Variants in ETS1 observed in about 807,000 individuals in gnomAD.
ETS1 encodes the protein protein C-ets-1.
In ETS1, 15 loss-of-function variants were observed where a neutral mutation model predicts 58.6. The observed-to-expected ratio is 0.26, with a 90% CI of 0.17 to 0.39. The LOEUF (loss-of-function observed/expected upper bound fraction) is 0.39, where lower values mean the gene tolerates loss of function less well. ETS1 is among the 10% of genes least tolerant of loss of function. The probability of loss-of-function intolerance (pLI) is 1.00; values close to 1 mark genes in which losing one functional copy is unlikely to be tolerated. For missense variants in ETS1, 417 were observed against 610.5 expected (o/e 0.68, Z 3.34); for synonymous variants, 214 against 218.2 (o/e 0.98, Z 0.17).
chr11:128,576,752 C>T (rs1864758349), intron 1 of ETS1, among the ~76,000 whole-genome samples: 1 of 151,712 alleles, frequency 6.6e-6, no homozygotes, highest in South Asian at 2.1e-4. Context: ...CAACATGGAA[C>T]TCTGTTGTTT....
chr11:128,585,155 AGAAAGAAAGAAAG>A (rs1864986809), intron 1 of ETS1, among the ~76,000 whole-genome samples: 1 of 52,546 alleles, frequency 1.9e-5, no homozygotes, highest in Non-Finnish European at 3.5e-5. Context: ...AAAGAAAGAA[AGAAAGAAAGAAAG>A]AGAAAGAAAG....
chr11:128,584,699 A>G (rs576500212), intron 1 of ETS1, among the ~76,000 whole-genome samples: 1 of 152,148 alleles, frequency 6.6e-6, no homozygotes, highest in African/African-American at 2.4e-5. Context: ...GAGATGAGGA[A>G]GCAAAAAGTA....
chr11:128,511,721 T>C (rs370031891), intron 3 of ETS1, among the ~76,000 whole-genome samples: 1 of 152,358 alleles, frequency 6.6e-6, no homozygotes, highest in East Asian at 1.9e-4. Flanking sequence ...AACATCATTA[T>C]TATATTTAAG....
chr11:128,496,351 G>A (rs1229293123), intron 3 of ETS1, among the ~76,000 whole-genome samples: 2 of 151,904 alleles, frequency 1.3e-5, no homozygotes, highest in Non-Finnish European at 2.9e-5. Flanking sequence ...AGGCTGCAGT[G>A]ATATTTCCTC....
At chr11:128,518,760 A>C (rs1457544348) in intron 3 of ETS1, among the ~76,000 whole-genome samples, 2 of 152,242 alleles carry the variant, frequency 1.3e-5, no homozygotes, top group African/African-American at 2.4e-5. Flanking sequence ...ACAAAGACTG[A>C]CCAAGCTGAG....
intron 2 of ETS1, among the ~76,000 whole-genome samples, chr11:128,562,336 G>A (rs1864417542): frequency 6.6e-6 from 1 of 152,170 alleles, no homozygotes; most frequent in African/African-American, 2.4e-5. Context: ...TTGAACCCGG[G>A]AGACAGAGGT....
At position 128,460,294 on chromosome 11, in the gene ETS1, C is replaced by T. The variant is rs1214952193; in HGVS notation, c.*2067G>A. 1 of 152,792 alleles carries T rather than the reference C, an allele frequency of 6.5e-6. No homozygotes were observed. Among genetic ancestry groups the T allele is most frequent in the Non-Finnish European group, 1.5e-5 (1 of 68,056 alleles). The allele number at this position is 152,792 out of a possible 1,614,324, so 9.5% of individuals were successfully genotyped here. On this transcript the variant is annotated 3_prime_UTR_variant, in exon 10 of 10. Transcript: ENST00000392668. Reference sequence around the variant, plus strand: ...CTGCATCCAAAAGATCAAAATAATACAGCTGGGATAATTCTGCCTTTGCTT... The same window carrying T: ...CTGCATCCAAAAGATCAAAATAATATAGCTGGGATAATTCTGCCTTTGCTT...
At chr11:128,556,015 A>G (rs1864306654) in intron 3 of ETS1, among the ~76,000 whole-genome samples, 2 of 152,254 alleles carry the variant, frequency 1.3e-5, no homozygotes, top group African/African-American at 4.8e-5. Context: ...GACAACAGCC[A>G]AAACGGGTGT....
At position 128,462,335 on chromosome 11, in the gene ETS1, G is replaced by T. The variant is rs756809223; in HGVS notation, c.*26C>A. ...CGGCTGTCCTTGGAAGGTCTCAGCAGGGTTTCCCCAGCCCCTTCAGTGCCA... is the reference window on the plus strand; with the variant it reads ...CGGCTGTCCTTGGAAGGTCTCAGCATGGTTTCCCCAGCCCCTTCAGTGCCA... On this transcript the variant is annotated 3_prime_UTR_variant, in exon 10 of 10. Transcript: ENST00000392668. 1.9e-6 allele frequency: 3 copies of T among 1,574,174 alleles called. No homozygotes were observed. Among genetic ancestry groups the T allele is most frequent in the Non-Finnish European group, 2.6e-6 (3 of 1,145,098 alleles).
At chr11:128,545,030 G>C (rs1305762544) in intron 3 of ETS1, among the ~76,000 whole-genome samples, 1 of 149,158 alleles carries the variant, frequency 6.7e-6, no homozygotes, top group Non-Finnish European at 1.5e-5. Context: ...GGTGGGGGGG[G>C]CAGTGTAAGG....
intron 3 of ETS1, among the ~76,000 whole-genome samples, chr11:128,544,500 C>A (rs1864103703): frequency 6.6e-6 from 1 of 151,842 alleles, no homozygotes; most frequent in Admixed American, 6.6e-5. Flanking sequence ...CCTGCCTTCT[C>A]CCAGTTCTGC....
At chr11:128,556,577 T>A in intron 2 of ETS1, 142 bp from the exon 3 acceptor site, 1 of 507,034 alleles carries the variant, frequency 2.0e-6, no homozygotes, top group Non-Finnish European at 3.4e-6. Context: ...CAACTCTTGT[T>A]TTCTTCCCTT....
At chr11:128,563,548 A>G (rs1207417344) in intron 2 of ETS1, among the ~76,000 whole-genome samples, 1 of 152,104 alleles carries the variant, frequency 6.6e-6, no homozygotes, top group Non-Finnish European at 1.5e-5. Context: ...GTTCCTTGCC[A>G]ACTCTGTGTC....
chr11:128,582,391 A>G (rs900283712), intron 1 of ETS1, among the ~76,000 whole-genome samples: 26 of 152,254 alleles, frequency 1.7e-4, no homozygotes, highest in African/African-American at 5.8e-4. Context: ...TATAAATAGT[A>G]AAAATGGTCA....
At chr11:128,575,058 G>A (rs745368496) in intron 1 of ETS1, among the ~76,000 whole-genome samples, 3 of 152,124 alleles carry the variant, frequency 2.0e-5, no homozygotes, top group Non-Finnish European at 2.9e-5. Flanking sequence ...AGGATCTCCT[G>A]AGTCCTCACA....
intron 3 of ETS1, among the ~76,000 whole-genome samples, chr11:128,490,787 C>T (rs1862777088): frequency 6.9e-6 from 1 of 145,438 alleles, no homozygotes; most frequent in Admixed American, 7.2e-5. Flanking sequence ...GGCGTGATCT[C>T]AGCTCACTAC....
intron 2 of ETS1, among the ~76,000 whole-genome samples, chr11:128,564,811 G>A (rs1376129097): frequency 6.6e-6 from 1 of 152,070 alleles, no homozygotes; most frequent in Non-Finnish European, 1.5e-5. Context: ...GGAGACTGAG[G>A]CTGACTCAAA....
chr11:128,511,666 A>G (rs1452679865), intron 3 of ETS1, among the ~76,000 whole-genome samples: 2 of 152,240 alleles, frequency 1.3e-5, no homozygotes, highest in East Asian at 1.9e-4. Flanking sequence ...AAAAGAGAAA[A>G]GAATGCCTTG....
chr11:128,463,675 C>G lies in ETS1; in HGVS notation c.1124-48G>C, dbSNP rs765567222. On this transcript the variant is annotated intron_variant, in intron 8 of 9. Coordinates refer to ENST00000392668, the MANE Select transcript of ETS1 (RefSeq NM_001143820.2). The surrounding 1 kb of genome is among the most constrained non-coding windows in gnomAD (Gnocchi z 4.1). ...ATCATTACACCAGATATTCAGCACT[C>G]TACGCAGCTAATCCCCACACACGGC... 1.4e-5 allele frequency: 14 copies of G among 1,029,550 alleles called. No individual in the cohort carries two copies. The African/African-American group carries it at 2.2e-4, about 16-fold the overall frequency. The allele number at this position is 1,029,550 out of a possible 1,614,324, so 63.8% of individuals were successfully genotyped here.
Sources: gnomAD v4.1 joint callset for allele counts (sites outside exome capture counted in the v4.1 genomes callset) on GRCh38, gnomAD v4.1.1 for gene constraint, Gnocchi (gnomAD v3.1) non-coding constraint, MANE v1.5 for transcripts, NCBI Gene and HGNC (gene_info 2026-07-23, HGNC 2026-07-21) for gene names.